FAM110B: variants seen among roughly 807,000 people sequenced by gnomAD.
FAM110B encodes the protein family with sequence similarity 110 member B.
Under a neutral mutation model 20.4 loss-of-function variants are expected in FAM110B, and 6 were observed. The observed-to-expected ratio is 0.29, with a 90% CI of 0.16 to 0.58. FAM110B has a LOEUF of 0.58. Among genes scored for constraint, FAM110B ranks in the 20% least tolerant of loss-of-function variants. The pLI, the probability that FAM110B is intolerant of heterozygous loss-of-function variation, is 0.90. For synonymous variants in FAM110B, 226 were observed against 214.1 expected, an observed-to-expected ratio of 1.06 and a Z score of -0.49; for missense variants, 434 against 498.2, an observed-to-expected ratio of 0.87 and a Z score of 1.23.
chr8:58,007,607 A>G (rs1217659706), intron 1 of FAM110B, among the ~76,000 whole-genome samples: 1 of 152,138 alleles, frequency 6.6e-6, no homozygotes, highest in Non-Finnish European at 1.5e-5. Context: ...GCCCTTATGA[A>G]TGGGATTAGT....
chr8:58,048,597 G>T (rs576673544), intron 2 of FAM110B, among the ~76,000 whole-genome samples: 1 of 152,250 alleles, frequency 6.6e-6, no homozygotes, highest in African/African-American at 2.4e-5. Context: ...GGGGTGTTTT[G>T]TTATTGTTTT....
At chr8:58,075,273 T>TGTGTGTGTG (rs58047108) in intron 2 of FAM110B, among the ~76,000 whole-genome samples, 33 of 145,072 alleles carry the variant, frequency 2.3e-4, no homozygotes, top group African/African-American at 8.8e-4. Flanking sequence ...TTTTTTTTTT[T>TGTGTGTGTG]TTTGTGTGTG....
chr8:58,138,350 G>A (rs17195982), intron 3 of FAM110B, among the ~76,000 whole-genome samples: 31,822 of 152,132 alleles, frequency 0.21, 3,592 homozygotes, highest in South Asian at 0.3. Flanking sequence ...ACCTTTCCCC[G>A]GCACATGTGT....
intron 1 of FAM110B, among the ~76,000 whole-genome samples, chr8:58,021,888 A>C (rs75312823): frequency 7.9e-5 from 12 of 152,304 alleles, no homozygotes; most frequent in African/African-American, 2.9e-4. Context: ...GCAGACATTA[A>C]ATATGGAAAG....
At chr8:58,034,255 C>T (rs892972738) in intron 2 of FAM110B, among the ~76,000 whole-genome samples, 11 of 152,148 alleles carry the variant, frequency 7.2e-5, no homozygotes, top group Non-Finnish European at 1.3e-4. Context: ...TCTTGTGCTC[C>T]GGGTATCATT....
chr8:58,092,391 C>T (rs2065238749), intron 3 of FAM110B, among the ~76,000 whole-genome samples: 2 of 152,118 alleles, frequency 1.3e-5, no homozygotes, highest in Admixed American at 1.3e-4. Flanking sequence ...GCTATTCCTT[C>T]CCTAACCCCC....
intron 3 of FAM110B, among the ~76,000 whole-genome samples, chr8:58,133,321 G>A (rs1017937989): frequency 5.9e-5 from 9 of 151,926 alleles, no homozygotes; most frequent in Non-Finnish European, 1.3e-4. Context: ...TTATCTTGGG[G>A]CAAAGGCACA....
chr8:58,009,241 C>T (rs532708483), intron 1 of FAM110B, among the ~76,000 whole-genome samples: 24 of 152,232 alleles, frequency 1.6e-4, no homozygotes, highest in African/African-American at 4.3e-4. Context: ...GATTATATCT[C>T]GGGTGTTGAA....
At chr8:58,082,810 A>G (rs1806231155) in intron 3 of FAM110B, among the ~76,000 whole-genome samples, 1 of 150,014 alleles carries the variant, frequency 6.7e-6, no homozygotes, top group Admixed American at 6.6e-5. Context: ...CCTCATTGGT[A>G]GATGTGAGAC....
chr8:58,002,060 G>C (rs1804309793), intron 1 of FAM110B, among the ~76,000 whole-genome samples: 1 of 152,096 alleles, frequency 6.6e-6, no homozygotes, highest in Non-Finnish European at 1.5e-5. Context: ...GAGAGACAGA[G>C]AGAATTCAAT....
At chr8:58,064,382 T>TA in intron 2 of FAM110B, among the ~76,000 whole-genome samples, 1 of 150,434 alleles carries the variant, frequency 6.6e-6, no homozygotes, top group Admixed American at 6.6e-5. Context: ...TGGACAGGGG[T>TA]AAATGTATAC....
intron 1 of FAM110B, among the ~76,000 whole-genome samples, chr8:57,999,138 T>G (rs2150561070): frequency 6.6e-6 from 1 of 152,348 alleles, no homozygotes; most frequent in East Asian, 1.9e-4. Flanking sequence ...ATAGTGAACA[T>G]GTGGATGATT....
intron 3 of FAM110B, among the ~76,000 whole-genome samples, chr8:58,129,682 C>T (rs1057305133): frequency 5.3e-5 from 8 of 152,142 alleles, no homozygotes; most frequent in African/African-American, 1.4e-4. Flanking sequence ...GCACAGATTG[C>T]GGCTACTAGA....
chr8:58,078,973 C>T (rs1806114115), intron 3 of FAM110B, among the ~76,000 whole-genome samples: 1 of 152,134 alleles, frequency 6.6e-6, no homozygotes, highest in Non-Finnish European at 1.5e-5. Flanking sequence ...GCTGGTTTTC[C>T]CCAGACACCT....
chr8:58,023,883 T>C lies in FAM110B; in HGVS notation c.-511-7723T>C, dbSNP rs777414693. On this transcript the variant is annotated intron_variant, in intron 1 of 3. Coordinates refer to ENST00000519262, the MANE Select transcript of FAM110B (RefSeq NM_001377989.1). ...GTACCATTTTTAGGAGTGTTAAAAA[T>C]GAAACTGTGAGCTGTGTAGCACTCT... 3.9e-5 allele frequency among the ~76,000 whole-genome samples: 6 copies of C among 152,250 alleles called. No individual in the cohort carries two copies. In the South Asian group the frequency reaches 1.2e-3, roughly 32 times the overall value.
chr8:58,041,003 G>A (rs939552449), intron 2 of FAM110B, among the ~76,000 whole-genome samples: 3 of 144,820 alleles, frequency 2.1e-5, no homozygotes, highest in Admixed American at 7.1e-5. Flanking sequence ...GTGCAGTGGC[G>A]CGATCTTGGC....
intron 1 of FAM110B, among the ~76,000 whole-genome samples, chr8:58,007,592 G>T (rs1027462626): frequency 2.0e-5 from 3 of 152,180 alleles, no homozygotes; most frequent in African/African-American, 7.2e-5. Context: ...GATGATGAGG[G>T]TGGAGCCCTT....
intron 2 of FAM110B, among the ~76,000 whole-genome samples, chr8:58,067,083 A>G (rs1805783972): frequency 6.6e-6 from 1 of 152,216 alleles, no homozygotes; most frequent in Non-Finnish European, 1.5e-5. Context: ...CCTGGCTTTC[A>G]ACAGAATCAT....
At chr8:58,062,066 C>T (rs1805668280) in intron 2 of FAM110B, among the ~76,000 whole-genome samples, 1 of 152,068 alleles carries the variant, frequency 6.6e-6, no homozygotes, top group African/African-American at 2.4e-5. Flanking sequence ...TTAAAATCAT[C>T]CAGTGGTAAA....
Sources: allele counts gnomAD v4.1 joint callset (sites outside exome capture counted in the v4.1 genomes callset), GRCh38; gene constraint gnomAD v4.1.1; transcripts MANE v1.5; gene names NCBI Gene and HGNC (gene_info 2026-07-23, HGNC 2026-07-21).